STEAP4: variants seen among roughly 807,000 people sequenced by gnomAD.
The protein encoded by STEAP4 is STEAP4 metalloreductase.
Under a neutral mutation model 43.6 loss-of-function variants are expected in STEAP4, and 36 were observed. That is an observed-to-expected ratio of 0.83 (90% CI 0.63 to 1.09). The LOEUF (loss-of-function observed/expected upper bound fraction) is 1.09, where lower values mean the gene tolerates loss of function less well. Among genes scored for constraint, STEAP4 ranks in the 50% least tolerant of loss-of-function variants. STEAP4 has a pLI of 0.00. For synonymous variants in STEAP4, 191 were observed against 196.7 expected (o/e 0.97, Z 0.24); for missense variants, 495 against 546.5 (o/e 0.91, Z 0.94).
chr7:88,286,764 A>AACACACACAC (rs61360123), intron 1 of STEAP4, among the ~76,000 whole-genome samples: 14 of 133,840 alleles, frequency 1.0e-4, no homozygotes, highest in East Asian at 4.4e-4. Context: ...CATACATATA[A>AACACACACAC]ACACACACAC....
At position 88,282,971 on chromosome 7, in the gene STEAP4, A is replaced by G. The variant is rs753995258; in HGVS notation, c.654T>C (p.Cys218=). 1.9e-6 allele frequency: 3 copies of G among 1,613,516 alleles called. No homozygotes were observed. The highest frequency in any genetic ancestry group is 2.5e-6 in the Non-Finnish European group (3 of 1,179,748). Residue 218 remains cysteine (C), a synonymous_variant, in exon 3 of 5, where the codon TGT becomes TGC. Coordinates refer to ENST00000380079, the MANE Select transcript of STEAP4 (RefSeq NM_024636.4). ...AVLCVFLFFY[C]VIRDVIYPYV... is the part of the protein sequence containing the mutation. Reference sequence around the variant, plus strand: ...AAGGGTAGATTACGTCTCTTATAACACAATAGAAAAACAAGAAGACACACA... The same window carrying G: ...AAGGGTAGATTACGTCTCTTATAACGCAATAGAAAAACAAGAAGACACACA...
intron 1 of STEAP4, among the ~76,000 whole-genome samples, chr7:88,304,617 GAA>G (rs1853097314): frequency 6.6e-6 from 1 of 151,754 alleles, no homozygotes; most frequent in Non-Finnish European, 1.5e-5. Context: ...TTCAGGTTTT[GAA>G]GGACTACTGT....
At chr7:88,283,373 T>G (rs1852664317) in intron 2 of STEAP4, 1 of 550,882 alleles carries the variant, frequency 1.8e-6, no homozygotes. Context: ...GGGTTTTTAG[T>G]TGATGATGGT....
chr7:88,294,919 A>G (rs536772052), intron 1 of STEAP4, among the ~76,000 whole-genome samples: 1 of 152,308 alleles, frequency 6.6e-6, no homozygotes, highest in South Asian at 2.1e-4. Flanking sequence ...ACAAATGAAG[A>G]TAGATTTCTT....
In STEAP4 at chr7:88,272,197, T is replaced by C. The variant is rs937768213; in HGVS notation, c.*7201A>G. The C allele has an allele frequency of 6.6e-6, 1 of 152,200 alleles. No homozygotes were observed. The highest frequency in any genetic ancestry group is 2.4e-5 in the African/African-American group (1 of 41,454). The allele number at this position is 152,200 out of a possible 1,614,324, so 9.4% of individuals were successfully genotyped here. ...CCACAAAGTTAATGTCTTGGAAGCA[T>C]CTGTATTCCAATGTTAAGCAAGGAT... On this transcript the variant is annotated 3_prime_UTR_variant, in exon 5 of 5. Transcript: ENST00000380079.
At chr7:88,297,764 C>A (rs1207272936) in intron 1 of STEAP4, among the ~76,000 whole-genome samples, 1 of 152,046 alleles carries the variant, frequency 6.6e-6, no homozygotes, top group Non-Finnish European at 1.5e-5. Context: ...TAGCAAAGGG[C>A]AACCCTTACA....
At chr7:88,279,946 T>G (rs571657036) in intron 4 of STEAP4, among the ~76,000 whole-genome samples, 1 of 152,224 alleles carries the variant, frequency 6.6e-6, no homozygotes, top group Non-Finnish European at 1.5e-5. Context: ...GTGAAACTCT[T>G]TTATTTATCA....
At chr7:88,282,442 C>T (rs148812660) in intron 3 of STEAP4, 199 bp downstream of exon 3, 65 of 616,838 alleles carry the variant, frequency 1.1e-4, no homozygotes, top group African/African-American at 9.1e-4. Context: ...CCACCGCCCC[C>T]GGCAAACTTT....
chr7:88,288,826 TA>T (rs997595876), intron 1 of STEAP4, among the ~76,000 whole-genome samples: 9 of 150,514 alleles, frequency 6.0e-5, no homozygotes, highest in Admixed American at 3.3e-4. Flanking sequence ...TACCCAAAAC[TA>T]AAAAAAAATG....
Position 88,274,121 on chromosome 7 carries a change from G to T in STEAP4, c.*5277C>A, listed in dbSNP as rs889045149. 3.3e-5 allele frequency: 5 copies of T among 152,200 alleles called. No homozygotes were observed. Among genetic ancestry groups the T allele is most frequent in the African/African-American group, 1.2e-4 (5 of 41,444 alleles). 9.4% of individuals were successfully genotyped at this position (152,200 alleles called of 1,614,324 possible). ...CTGGAGTCAGACTGCCTAGATCCCA[G>T]CTCTGCCTCTCATTAGTTGTGTGAA... On this transcript the variant is annotated 3_prime_UTR_variant, in exon 5 of 5. Transcript: ENST00000380079.
chr7:88,281,090 T>G lies in STEAP4; in HGVS notation c.985-11A>C, dbSNP rs1417389553. 3.9e-6 allele frequency: 6 copies of G among 1,536,080 alleles called. No individual in the cohort carries two copies. The African/African-American group carries it at 8.5e-5, about 22-fold the overall frequency. The stretch of plus-strand genomic sequence containing the variant: ...CTTCTTGAGTATTGCCTAAGAAAAA[T>G]TATAAGCAATTACAAAACTACATTT... On this transcript the variant is annotated splice_polypyrimidine_tract_variant and intron_variant, in intron 3 of 4. Transcript: ENST00000380079.
intron 1 of STEAP4, chr7:88,290,434 C>CA (rs1298650851): frequency 6.6e-6 from 1 of 151,930 alleles, no homozygotes; most frequent in Non-Finnish European, 1.5e-5. Context: ...GTACTGGAGA[C>CA]AAAAAACTCC....
intron 1 of STEAP4, among the ~76,000 whole-genome samples, chr7:88,286,764 A>ACAC (rs1852741999): frequency 7.5e-6 from 1 of 133,768 alleles, no homozygotes. Context: ...CATACATATA[A>ACAC]ACACACACAC....
chr7:88,272,727 C>T lies in STEAP4; in HGVS notation c.*6671G>A, dbSNP rs1019427457. ...AAAAAAATGAAACAAAAATTACTGG[C>T]CCCCATCTCTGATAGTTGGTGAGGC... On this transcript the variant is annotated 3_prime_UTR_variant, in exon 5 of 5. Coordinates refer to ENST00000380079, the MANE Select transcript of STEAP4 (RefSeq NM_024636.4). The T allele has an allele frequency of 6.6e-6, 1 of 152,160 alleles. No homozygotes were observed. The highest frequency in any genetic ancestry group is 2.4e-5 in the African/African-American group (1 of 41,442). 9.4% of individuals were successfully genotyped at this position (152,160 alleles called of 1,614,324 possible).
At chr7:88,298,689 A>T (rs756358826) in intron 1 of STEAP4, among the ~76,000 whole-genome samples, 2 of 152,210 alleles carry the variant, frequency 1.3e-5, no homozygotes, top group Non-Finnish European at 2.9e-5. Context: ...ATGATAAATC[A>T]TCAACTTGTG....
At position 88,273,086 on chromosome 7, in the gene STEAP4, C is replaced by A. The variant is rs1852461080; in HGVS notation, c.*6312G>T. ...GATCAGATCAGTGTAATTAGCATAT[C>A]CATCATTGCAAACATTTATCATTTC... On this transcript the variant is annotated 3_prime_UTR_variant, in exon 5 of 5. Coordinates refer to ENST00000380079, the MANE Select transcript of STEAP4 (RefSeq NM_024636.4). The A allele has an allele frequency of 6.6e-6, 1 of 152,152 alleles. No individual in the cohort carries two copies. The highest frequency in any genetic ancestry group is 2.4e-5 in the African/African-American group (1 of 41,430). 9.4% of individuals were successfully genotyped at this position (152,152 alleles called of 1,614,324 possible).
At chr7:88,295,145 G>A (rs1852904577) in intron 1 of STEAP4, among the ~76,000 whole-genome samples, 1 of 152,114 alleles carries the variant, frequency 6.6e-6, no homozygotes, top group Non-Finnish European at 1.5e-5. Context: ...ATAGTATGCT[G>A]GGATCCGTCA....
chr7:88,283,799 T>A lies in STEAP4; in HGVS notation c.456+15A>T. The stretch of plus-strand genomic sequence containing the variant: ...TCATGTTTTAAAGATTGAGTGTAAA[T>A]TTGTTTATTCTTACCTGCCGACTTG... On this transcript the variant is annotated intron_variant, in intron 2 of 4. Transcript: ENST00000380079. The A allele has an allele frequency of 6.3e-7, 1 of 1,596,588 alleles. No individual in the cohort carries two copies. The highest frequency in any genetic ancestry group is 8.5e-7 in the Non-Finnish European group (1 of 1,170,358).
chr7:88,282,626 T>C lies in STEAP4; in HGVS notation c.984+15A>G. 1 of 1,602,222 alleles carries C rather than the reference T, an allele frequency of 6.2e-7. No individual in the cohort carries two copies. The highest frequency in any genetic ancestry group is 1.1e-5 in the South Asian group (1 of 90,200). On this transcript the variant is annotated intron_variant, in intron 3 of 4. Transcript: ENST00000380079. The stretch of plus-strand genomic sequence containing the variant: ...GATTTCAGGAGCAGAAGAAAATATA[T>C]AAGAAGAGATTTACCTGGGTAACGG...
Sources: gnomAD v4.1 joint callset for allele counts (sites outside exome capture counted in the v4.1 genomes callset) on GRCh38, gnomAD v4.1.1 for gene constraint, MANE v1.5 for transcripts, NCBI Gene and HGNC (gene_info 2026-07-23, HGNC 2026-07-21) for gene names.